Variants in PREX1 observed in about 807,000 individuals in gnomAD.
The protein encoded by PREX1 is phosphatidylinositol 3,4,5-trisphosphate-dependent Rac exchanger 1 protein.
A neutral mutation model predicts 198.3 loss-of-function variants in PREX1; 41 were observed. That is an observed-to-expected ratio of 0.21 (90% CI 0.16 to 0.27). The LOEUF (loss-of-function observed/expected upper bound fraction) is 0.27. Among genes scored for constraint, PREX1 ranks in the 10% least tolerant of loss-of-function variants. The pLI is 1.00. For missense variants in PREX1, 1,620 were observed against 2,200.7 expected, an observed-to-expected ratio of 0.74 and a Z score of 5.28; for synonymous variants, 843 against 887.2, an observed-to-expected ratio of 0.95 and a Z score of 0.89.
chr20:48,831,519 T>G (rs1306564540), upstream of PREX1, among the ~76,000 whole-genome samples: 1 of 152,178 alleles, frequency 6.6e-6, no homozygotes, highest in Non-Finnish European at 1.5e-5. Context: ...CCGGCATTAT[T>G]CCAGCAAGGG....
In PREX1 at chr20:48,679,608, C is replaced by T. The variant is rs1468508268; in HGVS notation, c.1539+43G>A. 3.9e-6 allele frequency: 6 copies of T among 1,543,292 alleles called. No individual in the cohort carries two copies. In the East Asian group the frequency reaches 6.7e-5, roughly 17 times the overall value. On this transcript the variant is annotated intron_variant, in intron 12 of 39. Coordinates refer to ENST00000371941, the MANE Select transcript of PREX1 (RefSeq NM_020820.4). ...GAGGCGAACCCAGGGTGGAGGTGAA[C>T]GAGGCCAGCTGAGTCAGAGTCACAG...
chr20:48,780,906 T>C (rs2090286526), intron 1 of PREX1, among the ~76,000 whole-genome samples: 1 of 152,204 alleles, frequency 6.6e-6, no homozygotes, highest in Admixed American at 6.5e-5. Flanking sequence ...TAATTAAGTG[T>C]TAACATCTCC....
intron 32 of PREX1, 87 bp from the exon 33 acceptor site, chr20:48,634,862 G>A (rs531220812): frequency 1.2e-4 from 138 of 1,171,238 alleles, no homozygotes; most frequent in South Asian, 5.6e-4. Flanking sequence ...AACTCTAGTC[G>A]GCACTCCACA....
intron 1 of PREX1, among the ~76,000 whole-genome samples, chr20:48,773,142 C>T (rs1299435152): frequency 6.6e-6 from 1 of 151,798 alleles, no homozygotes; most frequent in Non-Finnish European, 1.5e-5. Context: ...TGGCAGGTGT[C>T]GGTAATCTCT....
At chr20:48,789,684 G>T (rs940544079) in intron 1 of PREX1, among the ~76,000 whole-genome samples, 34 of 152,286 alleles carry the variant, frequency 2.2e-4, no homozygotes, top group African/African-American at 7.7e-4. Context: ...AGACTATAAA[G>T]TTTTTAAAAA....
At chr20:48,786,773 A>C (rs991676978) in intron 1 of PREX1, among the ~76,000 whole-genome samples, 1 of 151,392 alleles carries the variant, frequency 6.6e-6, no homozygotes, top group African/African-American at 2.4e-5. Context: ...GAAAAGAAAA[A>C]AAAGAGAAGA....
chr20:48,774,336 G>T (rs990506477), intron 1 of PREX1, among the ~76,000 whole-genome samples: 1 of 152,206 alleles, frequency 6.6e-6, no homozygotes. Flanking sequence ...AGGAGCTGGG[G>T]ACACACGAGG....
intron 34 of PREX1, 29 bp downstream of exon 34, chr20:48,632,467 G>A (rs1397526436): frequency 3.1e-6 from 5 of 1,613,634 alleles, no homozygotes. Flanking sequence ...GGCCCCCGTG[G>A]TCCTCCCTGC....
intron 1 of PREX1, among the ~76,000 whole-genome samples, chr20:48,812,560 T>A (rs2090441182): frequency 6.6e-6 from 1 of 151,866 alleles, no homozygotes; most frequent in African/African-American, 2.4e-5. Context: ...AATTATATAT[T>A]AGTATAATAA....
At chr20:48,816,846 G>T (rs533684308) in intron 1 of PREX1, among the ~76,000 whole-genome samples, 1 of 152,152 alleles carries the variant, frequency 6.6e-6, no homozygotes, top group African/African-American at 2.4e-5. Context: ...ACCTTCAGTA[G>T]AAAACCCAGT....
intron 4 of PREX1, among the ~76,000 whole-genome samples, chr20:48,729,939 T>G (rs2090027350): frequency 6.6e-6 from 1 of 152,062 alleles, no homozygotes. Context: ...CTCATGTCCT[T>G]ATGAGGGGAG....
intron 5 of PREX1, among the ~76,000 whole-genome samples, chr20:48,714,541 A>G (rs2089953147): frequency 1.3e-5 from 2 of 152,260 alleles, no homozygotes. Flanking sequence ...GGGAAAATGC[A>G]AAACAAAACC....
chr20:48,813,657 A>G (rs2090446250), intron 1 of PREX1, among the ~76,000 whole-genome samples: 1 of 152,158 alleles, frequency 6.6e-6, no homozygotes, highest in Non-Finnish European at 1.5e-5. Flanking sequence ...TGCATGATGG[A>G]GACAGGGAAG....
chr20:48,740,115 T>C (rs2090074383), intron 3 of PREX1, among the ~76,000 whole-genome samples: 2 of 152,166 alleles, frequency 1.3e-5, no homozygotes, highest in East Asian at 3.9e-4. Context: ...GGAGAGCCTG[T>C]CTGCAAGAGC....
Position 48,827,685 on chromosome 20 carries a change from C to T in PREX1, c.176G>A (p.Gly59Asp). The change falls in exon 1 of 40, where the codon GGC becomes GAC. Residue 59 changes from glycine (G) to aspartate (D), a missense_variant. Physicochemically the swap from Gly to Asp is moderately conservative, Grantham distance 94. This residue lies in a region of PREX1 where 96 missense variants were observed against 98.7 expected (regional missense o/e 0.97). Transcript: ENST00000371941. This position sits in a 1 kb window ranked among gnomAD's most constrained non-coding sequence, Gnocchi z 4.1. Reference sequence around the variant, plus strand: ...GGTGCCCACGTAGTCCCTCTCGGTGCCCAAGATCTCGTTGAGGACGCAGAG... The same window carrying T: ...GGTGCCCACGTAGTCCCTCTCGGTGTCCAAGATCTCGTTGAGGACGCAGAG... ...LRLCVLNEIL[G>D]TERDYVGTLR... is the part of the protein sequence containing the mutation. The T allele has an allele frequency of 2.9e-6, 4 of 1,378,192 alleles. No homozygotes were observed. Among genetic ancestry groups the T allele is most frequent in the Non-Finnish European group, 3.8e-6 (4 of 1,054,134 alleles). The allele number at this position is 1,378,192 out of a possible 1,614,324, so 85.4% of individuals were successfully genotyped here.
the PREX1 span, among the ~76,000 whole-genome samples, chr20:48,851,484 G>A: frequency 1.3e-5 from 2 of 152,128 alleles, no homozygotes; most frequent in Non-Finnish European, 2.9e-5. Context: ...TCCAGCATGG[G>A]TGACGGAGCA....
At chr20:48,652,559 C>G (rs1248416400) in intron 21 of PREX1, 27 bp downstream of exon 21, 1 of 1,585,860 alleles carries the variant, frequency 6.3e-7, no homozygotes, top group Non-Finnish European at 8.6e-7. Context: ...TCTGGAAGCT[C>G]CTGTCATGCC....
At chr20:48,784,141 A>G (rs746079663) in intron 1 of PREX1, among the ~76,000 whole-genome samples, 2 of 152,222 alleles carry the variant, frequency 1.3e-5, no homozygotes, top group East Asian at 1.9e-4. Flanking sequence ...GGAAGACCAC[A>G]TAAGAAGTTC....
chr20:48,634,253 A>G (rs1035224480), intron 33 of PREX1, among the ~76,000 whole-genome samples: 3 of 152,070 alleles, frequency 2.0e-5, no homozygotes, highest in African/African-American at 7.2e-5. Flanking sequence ...ACACAGAGAG[A>G]AAGACAGAAA....
Sources: gnomAD v4.1 joint callset for allele counts (sites outside exome capture counted in the v4.1 genomes callset) on GRCh38, gnomAD v4.1.1 for gene constraint, gnomAD v4.1.1 regional missense constraint, Gnocchi (gnomAD v3.1) non-coding constraint, MANE v1.5 for transcripts, NCBI Gene and HGNC (gene_info 2026-07-23, HGNC 2026-07-21) for gene names.